The following CDK5RAP3 variants were observed in gnomAD, a reference collection of about 807,000 sequenced individuals.
CDK5RAP3 encodes CDK5 regulatory subunit-associated protein 3.
A neutral mutation model predicts 73.3 loss-of-function variants in CDK5RAP3; 58 were observed. The observed-to-expected ratio is 0.79, with a 90% CI of 0.64 to 0.98. The LOEUF is 0.98. Ranked by LOEUF, CDK5RAP3 falls within the 50% of genes least tolerant of loss-of-function variation. The pLI is 0.00. For synonymous variants in CDK5RAP3, 224 were observed against 247.5 expected, an observed-to-expected ratio of 0.91 and a Z score of 0.89; for missense variants, 525 against 615.8, an observed-to-expected ratio of 0.85 and a Z score of 1.56.
At chr17:47,981,087 C>T in intron 12 of CDK5RAP3, 76 bp from the exon 13 acceptor site, 1 of 1,498,018 alleles carries the variant, frequency 6.7e-7, no homozygotes, top group East Asian at 2.3e-5. Context: ...TCCCGAGCCT[C>T]TCACCTCCCC....
At chr17:47,977,390 C>T (rs189379845) in intron 9 of CDK5RAP3, among the ~76,000 whole-genome samples, 1 of 152,220 alleles carries the variant, frequency 6.6e-6, no homozygotes, top group East Asian at 1.9e-4. Context: ...CCTCGTGATC[C>T]GCCCGCCTCA....
intron 5 of CDK5RAP3, 69 bp from the exon 6 acceptor site, chr17:47,975,090 G>A (rs1465500484): frequency 6.2e-7 from 1 of 1,613,178 alleles, no homozygotes; most frequent in East Asian, 2.2e-5. Context: ...CAAAGGATGT[G>A]TGTGCATCCT....
At position 47,975,626 on chromosome 17, in the gene CDK5RAP3, A is replaced by G; in HGVS notation, c.626A>G (p.Gln209Arg). Reference sequence around the variant, plus strand: ...CTGGGGGAAGCCATTGACGTGTACCAGGCGTCTGTGGGGTTTGTGTGTGAG... The same window carrying G: ...CTGGGGGAAGCCATTGACGTGTACCGGGCGTCTGTGGGGTTTGTGTGTGAG... ...QSLGEAIDVY[Q>R]ASVGFVCESP... The change falls in exon 7 of 14, where the codon CAG (glutamine) becomes CGG (arginine). Residue 209 changes from glutamine to arginine, a missense_variant. This residue lies in a region of CDK5RAP3 where 409 missense variants were observed against 429.8 expected (regional missense o/e 0.95). Transcript: ENST00000338399. 1 of 1,604,948 alleles carries G rather than the reference A, an allele frequency of 6.2e-7. No individual in the cohort carries two copies.
At chr17:47,971,752 C>A (rs1362662091) in intron 2 of CDK5RAP3, among the ~76,000 whole-genome samples, 1 of 152,034 alleles carries the variant, frequency 6.6e-6, no homozygotes, top group South Asian at 2.1e-4. Flanking sequence ...GGCGAATCAC[C>A]TGAGGTCAGG....
intron 2 of CDK5RAP3, among the ~76,000 whole-genome samples, chr17:47,972,369 G>A (rs868140310): frequency 1.3e-5 from 2 of 152,166 alleles, no homozygotes; most frequent in African/African-American, 2.4e-5. Context: ...ACCCCAGTCC[G>A]TTGCTTCTAG....
upstream of CDK5RAP3, chr17:47,971,028 G>A: frequency 1.3e-6 from 2 of 1,523,516 alleles, no homozygotes; most frequent in South Asian, 2.5e-5. Context: ...ACGGAAGGCG[G>A]CGACGTGGCC....
Position 47,981,219 on chromosome 17 carries a change from T to C in CDK5RAP3, c.1340T>C (p.Leu447Pro). The C allele has an allele frequency of 6.2e-7, 1 of 1,614,256 alleles. No individual in the cohort carries two copies. Among genetic ancestry groups the C allele is most frequent in the Non-Finnish European group, 8.5e-7 (1 of 1,180,046 alleles). Residue 447 changes from leucine to proline, a missense_variant, in exon 13 of 14, where the codon CTG becomes CCG. Around this residue, in one of 2 missense-constraint regions of CDK5RAP3, gnomAD observed 116 missense variants for 186.1 expected, o/e 0.62. Transcript: ENST00000338399. ...CAAAAGCTGAAGCAGTCCCAGCTGC[T>C]GGCTTTGAAGAAAGAGCTGATGGTG... ...LQQKLKQSQL[L>P]ALKKELMVQK...
rs370657431 is a variant in CDK5RAP3 at position 47,980,141 on chromosome 17, C to T, written c.1078-452C>T. 1.1e-3 allele frequency: 209 copies of T among 194,544 alleles called. 4 individuals carry two copies. In the South Asian group the frequency reaches 0.017, roughly 16 times the overall value. 12.1% of individuals were successfully genotyped at this position (194,544 alleles called of 1,614,324 possible). On this transcript the variant is annotated intron_variant, in intron 11 of 13. Transcript: ENST00000338399. ...GAAGGGTGACAGTAGTCTCTCCTAG[C>T]GCTTACAGTGTTCAGAGGAAACTCC...
At position 47,980,674 on chromosome 17, in the gene CDK5RAP3, C is replaced by G. The variant is rs537277858; in HGVS notation, c.1159C>G (p.Pro387Ala). 1 of 1,614,090 alleles carries G rather than the reference C, an allele frequency of 6.2e-7. No homozygotes were observed. Among genetic ancestry groups the G allele is most frequent in the African/African-American group, 1.3e-5 (1 of 75,034 alleles). ...VLSVSQFQLA[P>A]AILQGQTKEK... ...GTCTGTGAGCCAGTTCCAGCTGGCTCCAGCCATCCTGCAGGGCCAGACCAA... is the reference window on the plus strand; with the variant it reads ...GTCTGTGAGCCAGTTCCAGCTGGCTGCAGCCATCCTGCAGGGCCAGACCAA... The change falls in exon 12 of 14, where the codon CCA becomes GCA. Residue 387 changes from proline to alanine, a missense_variant. Pro to Ala is a conservative substitution (Grantham distance 27). Coordinates refer to ENST00000338399, the MANE Select transcript of CDK5RAP3 (RefSeq NM_176096.3).
At position 47,980,772 on chromosome 17, in the gene CDK5RAP3, C is replaced by T. The variant is rs1267896274; in HGVS notation, c.1257C>T (p.His419=). Residue 419 remains histidine (H), a synonymous_variant, in exon 12 of 14, where the codon CAC becomes CAT. Coordinates refer to ENST00000338399, the MANE Select transcript of CDK5RAP3 (RefSeq NM_176096.3). ...AGCTTACCAGTCTTCAGCTGCAACA[C>T]CTGTTTATGATCCTGGCCTCACCAA... ...IGKLTSLQLQ[H]LFMILASPRY... The T allele has an allele frequency of 1.2e-6, 2 of 1,614,068 alleles. No homozygotes were observed. The highest frequency in any genetic ancestry group is 1.3e-5 in the African/African-American group (1 of 74,920).
Position 47,971,393 on chromosome 17 carries a change from C to A in CDK5RAP3, c.38C>A (p.Thr13Asn). 1 of 1,608,948 alleles carries A rather than the reference C, an allele frequency of 6.2e-7. No individual in the cohort carries two copies. The highest frequency in any genetic ancestry group is 8.5e-7 in the Non-Finnish European group (1 of 1,177,810). ...DHQHVPIDIQ[T>N]SKLLDWLVDR... is the part of the protein sequence containing the mutation. ...CAGCACGTGCCCATCGACATCCAGA[C>A]CAGCAAGCTGCTCGGTAGGAGGGGG... Residue 13 changes from threonine (T) to asparagine (N), a missense_variant, in exon 2 of 14, where the codon ACC becomes AAC. Thr to Asn is a moderately conservative substitution (Grantham distance 65). Coordinates refer to ENST00000338399, the MANE Select transcript of CDK5RAP3 (RefSeq NM_176096.3).
At position 47,981,739 on chromosome 17, in the gene CDK5RAP3, T is replaced by C; in HGVS notation, c.*237T>C. The C allele has an allele frequency of 6.6e-7, 1 of 1,513,534 alleles. No homozygotes were observed. The highest frequency in any genetic ancestry group is 2.6e-5 in the East Asian group (1 of 38,794). 93.8% of individuals were successfully genotyped at this position (1,513,534 alleles called of 1,614,324 possible). A position where few individuals can be genotyped will look rare whatever the true frequency, so the allele number is the denominator to read the frequency against. ...AACCACAGATTCTCCTTCTAGTTAG[T>C]ATAGCGGACTTAATAAAAGAGGAAA... On this transcript the variant is annotated 3_prime_UTR_variant, in exon 14 of 14. Coordinates refer to ENST00000338399, the MANE Select transcript of CDK5RAP3 (RefSeq NM_176096.3).
At chr17:47,978,513 CGTA>C (rs2144238007) in intron 10 of CDK5RAP3, 1 of 328,036 alleles carries the variant, frequency 3.0e-6, no homozygotes, top group South Asian at 4.0e-5. Flanking sequence ...GCAGAGAAGA[CGTA>C]GTGGTGTCTG....
At position 47,974,579 on chromosome 17, in the gene CDK5RAP3, A is replaced by G. The variant is rs1046068408; in HGVS notation, c.334+131A>G. 11 of 1,518,418 alleles carry G rather than the reference A, an allele frequency of 7.2e-6. No homozygotes were observed. In the African/African-American group the frequency reaches 1.4e-4, roughly 19 times the overall value. The allele number at this position is 1,518,418 out of a possible 1,614,324, so 94.1% of individuals were successfully genotyped here. The stretch of plus-strand genomic sequence containing the variant: ...TGGAGTGTAGATGTTGCCCATTTGT[A>G]GGTGGTAAAATCAATTGTTTTTGAT... On this transcript the variant is annotated intron_variant, in intron 5 of 13. Coordinates refer to ENST00000338399, the MANE Select transcript of CDK5RAP3 (RefSeq NM_176096.3).
At chr17:47,977,802 C>A (rs1234090363) in intron 9 of CDK5RAP3, 30 bp from the exon 10 acceptor site, 4 of 1,590,100 alleles carry the variant, frequency 2.5e-6, no homozygotes, top group South Asian at 1.1e-5. Flanking sequence ...ATTCTCCCCC[C>A]ATTGCTGTGG....
upstream of CDK5RAP3, chr17:47,970,600 C>G: frequency 6.9e-7 from 1 of 1,453,630 alleles, no homozygotes; most frequent in Non-Finnish European, 9.3e-7. Flanking sequence ...CCTAATCGCC[C>G]AACACGTTGC....
Position 47,978,866 on chromosome 17 carries a change from A to T in CDK5RAP3, c.1026A>T (p.Thr342=). 2 of 1,613,850 alleles carry T rather than the reference A, an allele frequency of 1.2e-6. No individual in the cohort carries two copies. The highest frequency in any genetic ancestry group is 1.7e-6 in the Non-Finnish European group (2 of 1,179,932). ...EGVARGPDAL[T]LLEYTETRNQ... ...TTGCCAGGGGCCCAGATGCCCTGAC[A>T]CTGCTTGAATACACTGAGACCCGGA... The change falls in exon 11 of 14, where the codon ACA becomes ACT. Residue 342 remains threonine, a synonymous_variant. Transcript: ENST00000338399.
At position 47,980,586 on chromosome 17, in the gene CDK5RAP3, T is replaced by C. The variant is rs752791945; in HGVS notation, c.1078-7T>C. ...ACAGCCTGAACCAATCTTTCTTCTGTCCTCAGCTTGAGATCTTCTTAGCCC... is the reference window on the plus strand; with the variant it reads ...ACAGCCTGAACCAATCTTTCTTCTGCCCTCAGCTTGAGATCTTCTTAGCCC... On this transcript the variant is annotated splice_polypyrimidine_tract_variant and splice_region_variant and intron_variant, in intron 11 of 13. Coordinates refer to ENST00000338399, the MANE Select transcript of CDK5RAP3 (RefSeq NM_176096.3). 1.5e-5 allele frequency: 24 copies of C among 1,612,064 alleles called. No individual in the cohort carries two copies. Among genetic ancestry groups the C allele is most frequent in the Non-Finnish European group, 1.9e-5 (22 of 1,179,680 alleles).
At chr17:47,969,964 A>G (rs1471647759), upstream of CDK5RAP3, among the ~76,000 whole-genome samples, 1 of 152,082 alleles carries the variant, frequency 6.6e-6, no homozygotes, top group Non-Finnish European at 1.5e-5. Context: ...CCAAACAGCC[A>G]ATCAATTGCC....
Sources: allele counts gnomAD v4.1 joint callset (sites outside exome capture counted in the v4.1 genomes callset), GRCh38; gene constraint gnomAD v4.1.1; regional missense constraint gnomAD v4.1.1; transcripts MANE v1.5; gene names NCBI Gene and HGNC (gene_info 2026-07-23, HGNC 2026-07-21).